The following MAF variants were observed in gnomAD, a reference collection of about 807,000 sequenced individuals.
The protein encoded by MAF is transcription factor Maf.
Under a neutral mutation model 22.0 loss-of-function variants are expected in MAF, and 10 were observed. The observed-to-expected ratio is 0.45, with a 90% CI of 0.28 to 0.77. The LOEUF is 0.77. Ranked by LOEUF, MAF falls within the 30% of genes least tolerant of loss-of-function variation. MAF has a pLI of 0.12. For synonymous variants in MAF, 337 were observed against 255.8 expected, an observed-to-expected ratio of 1.32 and a Z score of -3.03; for missense variants, 544 against 548.4, an observed-to-expected ratio of 0.99 and a Z score of 0.08.
the MAF span, among the ~76,000 whole-genome samples, chr16:79,416,039 G>T: frequency 6.6e-6 from 1 of 152,046 alleles, no homozygotes; most frequent in South Asian, 2.1e-4. Context: ...GGTTGCGCCC[G>T]AGCACAGCAC....
the MAF span, among the ~76,000 whole-genome samples, chr16:79,450,595 T>C: frequency 1.3e-5 from 2 of 152,184 alleles, no homozygotes; most frequent in African/African-American, 4.8e-5. Flanking sequence ...ATTCCTACAG[T>C]TGTCCTGAAG....
chr16:79,396,885 C>A, the MAF span, among the ~76,000 whole-genome samples: 1 of 152,216 alleles, frequency 6.6e-6, no homozygotes, highest in African/African-American at 2.4e-5. Flanking sequence ...TGTAAGCACT[C>A]CAGAATATCA....
At chr16:79,281,224 G>GA in the MAF span, among the ~76,000 whole-genome samples, 76,090 of 142,940 alleles carry the variant, frequency 0.53, 20,747 homozygotes, top group Non-Finnish European at 0.59. Context: ...GTTTCAATAT[G>GA]AAAAAAAAAA....
the MAF span, among the ~76,000 whole-genome samples, chr16:79,220,568 T>G: frequency 6.6e-6 from 1 of 152,206 alleles, no homozygotes; most frequent in African/African-American, 2.4e-5. Flanking sequence ...TTAATCATTT[T>G]TTTATTCTTG....
At chr16:79,506,515 C>A in the MAF span, among the ~76,000 whole-genome samples, 1 of 152,146 alleles carries the variant, frequency 6.6e-6, no homozygotes, top group Non-Finnish European at 1.5e-5. Context: ...TGGAATCATG[C>A]ATAGCAGAGA....
the MAF span, among the ~76,000 whole-genome samples, chr16:79,463,158 G>T: frequency 6.6e-6 from 1 of 152,196 alleles, no homozygotes; most frequent in African/African-American, 2.4e-5. Context: ...CCTGTTTATG[G>T]AACAGAGATC....
At chr16:79,221,838 A>T in the MAF span, among the ~76,000 whole-genome samples, 1 of 152,212 alleles carries the variant, frequency 6.6e-6, no homozygotes, top group Non-Finnish European at 1.5e-5. Flanking sequence ...TAGATCTGTG[A>T]AGTTCTGTTA....
the MAF span, among the ~76,000 whole-genome samples, chr16:79,474,177 T>C: frequency 6.6e-6 from 1 of 152,216 alleles, no homozygotes; most frequent in Admixed American, 6.5e-5. Context: ...GGTCTTTAAA[T>C]TAAAGCTCAA....
the MAF span, among the ~76,000 whole-genome samples, chr16:79,443,372 T>C: frequency 1.2e-4 from 18 of 152,156 alleles, no homozygotes; most frequent in Admixed American, 1.2e-3. Flanking sequence ...GGTCATCCTC[T>C]CCATCACCTC....
At chr16:79,297,526 C>T in the MAF span, among the ~76,000 whole-genome samples, 1 of 152,100 alleles carries the variant, frequency 6.6e-6, no homozygotes, top group Non-Finnish European at 1.5e-5. Context: ...CTTCTTTGGG[C>T]GAACTACTGA....
At chr16:79,388,868 A>T in the MAF span, among the ~76,000 whole-genome samples, 3 of 152,176 alleles carry the variant, frequency 2.0e-5, no homozygotes, top group Non-Finnish European at 4.4e-5. Flanking sequence ...ACAGTACCCA[A>T]CTAAGTAATC....
the MAF span, among the ~76,000 whole-genome samples, chr16:79,424,938 T>G: frequency 6.6e-6 from 1 of 152,186 alleles, no homozygotes; most frequent in African/African-American, 2.4e-5. Context: ...ATACAAATTA[T>G]TCATCATATG....
At chr16:79,333,730 A>G in the MAF span, among the ~76,000 whole-genome samples, 31 of 152,318 alleles carry the variant, frequency 2.0e-4, no homozygotes, top group South Asian at 6.2e-3. Flanking sequence ...AACCTATCTG[A>G]TGCCAGATCC....
the MAF span, among the ~76,000 whole-genome samples, chr16:79,296,887 C>T: frequency 6.6e-6 from 1 of 152,324 alleles, no homozygotes; most frequent in South Asian, 2.1e-4. Context: ...TTCATTTGCT[C>T]TCAATGCCCT....
the MAF span, among the ~76,000 whole-genome samples, chr16:79,317,909 TTCATTCACTCAC>T: frequency 3.2e-5 from 4 of 124,436 alleles, no homozygotes; most frequent in African/African-American, 5.8e-5. Context: ...TATTCATTCA[TTCATTCACTCAC>T]TCACTCACTC....
chr16:79,439,782 G>A, the MAF span, among the ~76,000 whole-genome samples: 1 of 152,194 alleles, frequency 6.6e-6, no homozygotes, highest in African/African-American at 2.4e-5. Flanking sequence ...CACCAGCATG[G>A]ATTCTGCATA....
the MAF span, among the ~76,000 whole-genome samples, chr16:79,549,862 A>C: frequency 6.6e-6 from 1 of 152,302 alleles, no homozygotes; most frequent in Non-Finnish European, 1.5e-5. Flanking sequence ...ATCATTCCGT[A>C]AATAAAGGAA....
At chr16:79,431,024 A>G in the MAF span, among the ~76,000 whole-genome samples, 2 of 152,142 alleles carry the variant, frequency 1.3e-5, no homozygotes, top group Non-Finnish European at 2.9e-5. Context: ...ATGTAGGTGA[A>G]TAGTTCCTTT....
At chr16:79,425,642 A>G in the MAF span, among the ~76,000 whole-genome samples, 3 of 151,434 alleles carry the variant, frequency 2.0e-5, no homozygotes, top group Non-Finnish European at 2.9e-5. Flanking sequence ...CCATCAATTC[A>G]TATATGGAGC....
Sources: allele counts gnomAD v4.1 joint callset (sites outside exome capture counted in the v4.1 genomes callset), GRCh38; gene constraint gnomAD v4.1.1; transcripts MANE v1.5; gene names NCBI Gene and HGNC (gene_info 2026-07-23, HGNC 2026-07-21).